IRAG2: variants seen among roughly 807,000 people sequenced by gnomAD.
IRAG2 encodes the protein inositol 1,4,5-triphosphate receptor associated 2.
A neutral mutation model predicts 69.9 loss-of-function variants in IRAG2; 45 were observed. The ratio of observed to expected loss-of-function variants is 0.64; its 90% CI spans 0.51 to 0.83. IRAG2 has a LOEUF of 0.83. IRAG2 is among the 40% of genes least tolerant of loss of function. The pLI is 0.00. For synonymous variants in IRAG2, 193 were observed against 202.4 expected, an observed-to-expected ratio of 0.95 and a Z score of 0.40; for missense variants, 520 against 587.0, an observed-to-expected ratio of 0.89 and a Z score of 1.18.
chr12:25,064,616 T>C (rs1945849291), intron 4 of IRAG2, among the ~76,000 whole-genome samples: 1 of 152,152 alleles, frequency 6.6e-6, no homozygotes, highest in Admixed American at 6.5e-5. Flanking sequence ...TCAAAGTAAA[T>C]TTAAGAAGGA....
At position 25,065,909 on chromosome 12, in the gene IRAG2, A is replaced by G. The variant is rs567392029; in HGVS notation, c.-206-456A>G. On this transcript the variant is annotated intron_variant, in intron 4 of 21. Coordinates refer to ENST00000556887, the MANE Select transcript of IRAG2 (RefSeq NM_001366544.2). ...GGTCTCAAACTCCTGAGCTCAAGCA[A>G]TCAACCTGCCTCGGACTCCTAAAGT... 1.1e-4 allele frequency among the ~76,000 whole-genome samples: 17 copies of G among 152,214 alleles called. No homozygotes were observed. In the East Asian group the frequency reaches 2.3e-3, roughly 21 times the overall value.
At chr12:25,085,034 G>T (rs1393309864) in intron 10 of IRAG2, among the ~76,000 whole-genome samples, 1 of 152,230 alleles carries the variant, frequency 6.6e-6, no homozygotes, top group Non-Finnish European at 1.5e-5. Context: ...TTTGGGCTCT[G>T]CCCCCTGGCA....
At chr12:25,094,746 T>C (rs938562631) in intron 14 of IRAG2, among the ~76,000 whole-genome samples, 2 of 152,138 alleles carry the variant, frequency 1.3e-5, no homozygotes, top group Non-Finnish European at 2.9e-5. Context: ...CTTCTTTAAT[T>C]TTTTTCAGAA....
intron 1 of IRAG2, 53 bp downstream of exon 1, chr12:25,053,009 G>T (rs747842674): frequency 1.3e-5 from 5 of 398,034 alleles, no homozygotes; most frequent in African/African-American, 2.1e-5. Flanking sequence ...CTCAGGCGGG[G>T]CATAGGACTA....
upstream of IRAG2, among the ~76,000 whole-genome samples, chr12:25,002,829 A>T (rs1944402249): frequency 6.6e-6 from 1 of 151,872 alleles, no homozygotes; most frequent in African/African-American, 2.4e-5. Flanking sequence ...TTTAGTAGAG[A>T]TAGGGTTTCA....
At chr12:25,051,406 A>G (rs997179778), upstream of IRAG2, among the ~76,000 whole-genome samples, 4 of 152,180 alleles carry the variant, frequency 2.6e-5, no homozygotes, top group Non-Finnish European at 4.4e-5. Flanking sequence ...TACGGCTGAC[A>G]ATGTCTTCCT....
At chr12:25,097,102 T>G (rs1231956131) in intron 15 of IRAG2, 58 bp downstream of exon 15, 1 of 1,514,736 alleles carries the variant, frequency 6.6e-7, no homozygotes, top group Non-Finnish European at 8.9e-7. Context: ...TCACTTTTCC[T>G]GAGACTATGG....
At chr12:25,071,119 C>T (rs1321318938) in intron 6 of IRAG2, among the ~76,000 whole-genome samples, 1 of 152,058 alleles carries the variant, frequency 6.6e-6, no homozygotes, top group Non-Finnish European at 1.5e-5. Context: ...TACCTAGAGG[C>T]CAAGGTGGGC....
Position 25,088,111 on chromosome 12 carries a change from G to A in IRAG2, c.327G>A (p.Glu109=), listed in dbSNP as rs765780936. Residue 109 remains glutamate, a synonymous_variant, in exon 11 of 22, where the codon GAG becomes GAA. Transcript: ENST00000556887. ...DKTILNLEAK[E]EPETIEEHKK... ...TCTTATGATTTTAGGAAGCCAAAGA[G>A]GAACCAGAAACAATAGAAGAACATA... The A allele has an allele frequency of 6.2e-7, 1 of 1,612,512 alleles. No homozygotes were observed. The highest frequency in any genetic ancestry group is 8.5e-7 in the Non-Finnish European group (1 of 1,178,616).
chr12:25,101,624 C>G (rs1439258132), intron 16 of IRAG2, among the ~76,000 whole-genome samples: 25 of 152,162 alleles, frequency 1.6e-4, no homozygotes, highest in Non-Finnish European at 4.4e-5. Context: ...ACTTAGGATA[C>G]ATTAGAATTT....
chr12:25,080,994 C>G (rs552699145), intron 9 of IRAG2, among the ~76,000 whole-genome samples: 125 of 152,252 alleles, frequency 8.2e-4, no homozygotes, highest in African/African-American at 2.9e-3. Flanking sequence ...AGTGGATTCC[C>G]AAAACTGATA....
At chr12:25,090,784 A>G (rs1437800237) in intron 14 of IRAG2, 1 of 449,978 alleles carries the variant, frequency 2.2e-6, no homozygotes, top group Non-Finnish European at 4.5e-6. Context: ...TGCATGAGTC[A>G]TCTGCCTTTT....
chr12:25,011,416 C>A, exon 3 of IRAG2: 5 of 1,231,704 alleles, frequency 4.1e-6, no homozygotes, highest in Non-Finnish European at 3.0e-6. Flanking sequence ...AGACAAACAA[C>A]TAGCCAAAAT....
intron 6 of IRAG2, among the ~76,000 whole-genome samples, chr12:25,070,892 C>T (rs1002541394): frequency 2.6e-5 from 4 of 152,120 alleles, no homozygotes; most frequent in Admixed American, 1.3e-4. Flanking sequence ...TAATAATGAA[C>T]ATCTTTTCAT....
intron 6 of IRAG2, among the ~76,000 whole-genome samples, chr12:25,018,638 C>A (rs1318863794): frequency 1.3e-5 from 2 of 152,170 alleles, no homozygotes; most frequent in African/African-American, 4.8e-5. Context: ...TATTATTTAA[C>A]TGAAATATAA....
chr12:25,005,110 A>G (rs1288001900), intron 1 of IRAG2: 1 of 488,012 alleles, frequency 2.0e-6, no homozygotes, highest in Non-Finnish European at 3.2e-6. Flanking sequence ...ATATAGGGGA[A>G]TATTTCCCTA....
At chr12:25,080,493 A>C (rs999266876) in intron 9 of IRAG2, among the ~76,000 whole-genome samples, 2 of 151,932 alleles carry the variant, frequency 1.3e-5, no homozygotes, top group Non-Finnish European at 2.9e-5. Flanking sequence ...CTGGGACTAC[A>C]GGTGCCCGCC....
chr12:25,053,534 T>C (rs1945001540), intron 1 of IRAG2, among the ~76,000 whole-genome samples: 1 of 152,136 alleles, frequency 6.6e-6, no homozygotes, highest in African/African-American at 2.4e-5. Flanking sequence ...TTTTTCTGTA[T>C]TACCCAAAAG....
At chr12:25,016,157 T>C (rs142316311) in intron 5 of IRAG2, among the ~76,000 whole-genome samples, 1,805 of 151,568 alleles carry the variant, frequency 0.012, 41 homozygotes, top group African/African-American at 0.041. Flanking sequence ...TATCGTGCCA[T>C]TGTGCTCTAG....
Sources: gnomAD v4.1 joint callset for allele counts (sites outside exome capture counted in the v4.1 genomes callset) on GRCh38, gnomAD v4.1.1 for gene constraint, MANE v1.5 for transcripts, NCBI Gene and HGNC (gene_info 2026-07-23, HGNC 2026-07-21) for gene names.